Variants in MAP2K2 observed in about 807,000 individuals in gnomAD.
MAP2K2 encodes the protein mitogen-activated protein kinase kinase 2, also known as dual specificity mitogen-activated protein kinase kinase 2.
MAP2K2 carries 24 observed loss-of-function variants against 43.7 expected under a neutral mutation model. The ratio of observed to expected loss-of-function variants is 0.55; its 90% CI spans 0.40 to 0.77. MAP2K2 has a LOEUF of 0.77. Among genes scored for constraint, MAP2K2 ranks in the 30% least tolerant of loss-of-function variants. The pLI is 0.00. For synonymous variants in MAP2K2, 244 were observed against 239.7 expected, an observed-to-expected ratio of 1.02 and a Z score of -0.17; for missense variants, 470 against 566.8, an observed-to-expected ratio of 0.83 and a Z score of 1.73.
At chr19:4,095,212 A>G in intron 9 of MAP2K2, 176 bp downstream of exon 9, 1 of 602,806 alleles carries the variant, frequency 1.7e-6, no homozygotes, top group Non-Finnish European at 3.0e-6. Flanking sequence ...GGCAGCCGGG[A>G]GCTGCAGCCC....
intron 10 of MAP2K2, among the ~76,000 whole-genome samples, chr19:4,091,271 C>T (rs1208150246): frequency 1.3e-5 from 2 of 152,218 alleles, no homozygotes; most frequent in Admixed American, 6.5e-5. Flanking sequence ...GGCTCCAGAG[C>T]CCCTGGACTG....
intron 3 of MAP2K2, among the ~76,000 whole-genome samples, chr19:4,109,300 C>T (rs565878880): frequency 1.3e-5 from 2 of 152,230 alleles, no homozygotes; most frequent in South Asian, 4.1e-4. Flanking sequence ...CAAGGGGGCA[C>T]GTCAGAGTCA....
intron 2 of MAP2K2, among the ~76,000 whole-genome samples, chr19:4,113,952 G>C (rs116536474): frequency 1.7e-3 from 263 of 152,300 alleles, no homozygotes; most frequent in African/African-American, 6.2e-3. Context: ...CAAGAGTCAC[G>C]TGCAGCCCAC....
intron 7 of MAP2K2, among the ~76,000 whole-genome samples, chr19:4,098,775 T>G (rs1272118537): frequency 2.0e-5 from 3 of 152,194 alleles, no homozygotes; most frequent in Non-Finnish European, 4.4e-5. Context: ...CCATGCCAAG[T>G]CCAATCTCCA....
intron 1 of MAP2K2, among the ~76,000 whole-genome samples, chr19:4,120,544 G>A (rs1217700320): frequency 1.3e-5 from 2 of 152,078 alleles, no homozygotes; most frequent in Admixed American, 6.5e-5. Context: ...CTTGAACTCT[G>A]GGCCTCAAGT....
intron 1 of MAP2K2, among the ~76,000 whole-genome samples, chr19:4,123,017 C>G (rs1490886922): frequency 6.6e-6 from 1 of 150,872 alleles, no homozygotes; most frequent in East Asian, 2.0e-4. Context: ...CACACCCCAT[C>G]CTCTCCTCTC....
intron 10 of MAP2K2, 102 bp from the exon 11 acceptor site, chr19:4,090,810 C>CA (rs1161298959): frequency 2.5e-6 from 2 of 788,528 alleles, no homozygotes; most frequent in Non-Finnish European, 4.4e-6. Context: ...GGACAGAAAG[C>CA]AAAAAACAGA....
chr19:4,098,883 G>A (rs892444208), intron 7 of MAP2K2, among the ~76,000 whole-genome samples: 7 of 152,264 alleles, frequency 4.6e-5, no homozygotes, highest in South Asian at 2.1e-4. Context: ...TTTTCTGTGC[G>A]TTTGAATGCT....
chr19:4,123,605 GT>G lies in MAP2K2; in HGVS notation c.92+178del, dbSNP rs1568266637. ...CCCCCTGCCCCGTCCTCCCCCGAGG[GT>G]CCCCTGCCCTGTCCTCCCCTCGAGA... On this transcript the variant is annotated intron_variant, in intron 1 of 10. Transcript: ENST00000262948. 3.1e-4 allele frequency among the ~76,000 whole-genome samples: 25 copies of G among 79,998 alleles called. 2 individuals are homozygous for G. Among genetic ancestry groups the G allele is most frequent in the South Asian group, 3.7e-4 (1 of 2,702 alleles). 52.5% of individuals were successfully genotyped at this position (79,998 alleles called of 152,430 possible).
chr19:4,107,447 C>G (rs1012467764), intron 3 of MAP2K2, among the ~76,000 whole-genome samples: 4 of 147,162 alleles, frequency 2.7e-5, no homozygotes, highest in African/African-American at 1.0e-4. Context: ...TGGCGTGAAC[C>G]TGGGAGGTGG....
chr19:4,100,917 G>A (rs2145053238), intron 6 of MAP2K2, 102 bp downstream of exon 6: 1 of 1,346,570 alleles, frequency 7.4e-7, no homozygotes, highest in Non-Finnish European at 1.0e-6. Context: ...AGACATGGGG[G>A]TGAGAGCTGA....
intron 10 of MAP2K2, among the ~76,000 whole-genome samples, chr19:4,090,940 G>T (rs1004165439): frequency 6.6e-6 from 1 of 152,186 alleles, no homozygotes; most frequent in Non-Finnish European, 1.5e-5. Flanking sequence ...ACTCCACCTG[G>T]GGCGGGGACA....
At chr19:4,117,012 G>A (rs1012399392) in intron 2 of MAP2K2, among the ~76,000 whole-genome samples, 4 of 152,222 alleles carry the variant, frequency 2.6e-5, no homozygotes, top group South Asian at 2.1e-4. Context: ...CCACCGCTGC[G>A]TAGGCGGTCT....
rs751599552 is a variant in MAP2K2 at position 4,117,633 on chromosome 19, C to A, written c.93-4G>T. ...CTGCAGGTCCACCAGGTTTGCCCTGCAGAGACCCCCCAGGGTAGGGGTTAG... is the reference window on the plus strand; with the variant it reads ...CTGCAGGTCCACCAGGTTTGCCCTGAAGAGACCCCCCAGGGTAGGGGTTAG... On this transcript the variant is annotated splice_region_variant and splice_polypyrimidine_tract_variant and intron_variant, in intron 1 of 10. Coordinates refer to ENST00000262948, the MANE Select transcript of MAP2K2 (RefSeq NM_030662.4). 1.2e-6 allele frequency: 2 copies of A among 1,613,818 alleles called. No homozygotes were observed. The highest frequency in any genetic ancestry group is 1.7e-6 in the Non-Finnish European group (2 of 1,180,000).
intron 7 of MAP2K2, among the ~76,000 whole-genome samples, chr19:4,098,512 A>G (rs775321868): frequency 1.3e-5 from 2 of 152,114 alleles, no homozygotes; most frequent in Non-Finnish European, 2.9e-5. Context: ...CTGACTTTAA[A>G]AAAAATCACA....
chr19:4,117,671 A>T, intron 1 of MAP2K2, 42 bp from the exon 2 acceptor site: 1 of 1,579,544 alleles, frequency 6.3e-7, no homozygotes, highest in South Asian at 1.1e-5. Context: ...ACCTAGGGAG[A>T]CTCCATCTGG....
intron 8 of MAP2K2, 97 bp downstream of exon 8, chr19:4,097,182 T>C: frequency 1.1e-6 from 1 of 922,498 alleles, no homozygotes; most frequent in African/African-American, 2.0e-5. Context: ...TGACTCTTGC[T>C]CTGGTCAGAG....
intron 9 of MAP2K2, 90 bp downstream of exon 9, chr19:4,095,298 G>T: frequency 1.7e-6 from 2 of 1,162,394 alleles, no homozygotes; most frequent in Non-Finnish European, 2.5e-6. Context: ...TTCTGGATGG[G>T]CAGGCTGGGC....
chr19:4,107,573 C>T (rs2041100593), intron 3 of MAP2K2, among the ~76,000 whole-genome samples: 1 of 148,698 alleles, frequency 6.7e-6, no homozygotes, highest in African/African-American at 2.5e-5. Flanking sequence ...CTCAAGCGTG[C>T]TGGTGCACCT....
Sources: gnomAD v4.1 joint callset for allele counts (sites outside exome capture counted in the v4.1 genomes callset) on GRCh38, gnomAD v4.1.1 for gene constraint, MANE v1.5 for transcripts, NCBI Gene and HGNC (gene_info 2026-07-23, HGNC 2026-07-21) for gene names.